Variants in GABRB3 observed in about 807,000 individuals in gnomAD.
GABRB3 encodes the protein gamma-aminobutyric acid receptor subunit beta-3.
A neutral mutation model predicts 52.1 loss-of-function variants in GABRB3; 14 were observed. The ratio of observed to expected loss-of-function variants is 0.27; its 90% CI spans 0.18 to 0.42. The LOEUF (loss-of-function observed/expected upper bound fraction) is 0.42, where lower values mean the gene tolerates loss of function less well. Ranked by LOEUF, GABRB3 falls within the 10% of genes least tolerant of loss-of-function variation. The pLI is 1.00. For missense variants in GABRB3, 307 were observed against 609.1 expected, an observed-to-expected ratio of 0.50 and a Z score of 5.22; for synonymous variants, 260 against 232.3, an observed-to-expected ratio of 1.12 and a Z score of -1.08.
At chr15:26,604,866 A>G (rs144622046) in intron 4 of GABRB3, among the ~76,000 whole-genome samples, 3 of 152,196 alleles carry the variant, frequency 2.0e-5, no homozygotes, top group African/African-American at 7.2e-5. Flanking sequence ...GAAAAAGAAA[A>G]TATTGAGTGA....
At chr15:26,614,619 T>TA (rs761405725) in intron 4 of GABRB3, 42 of 152,250 alleles carry the variant, frequency 2.8e-4, no homozygotes, top group Non-Finnish European at 5.9e-4. Flanking sequence ...GACGGCTGCA[T>TA]AAAAATCACA....
chr15:26,674,066 CT>C (rs1421282948), intron 3 of GABRB3, among the ~76,000 whole-genome samples: 186 of 145,384 alleles, frequency 1.3e-3, no homozygotes, highest in Middle Eastern at 3.5e-3. Context: ...TAACCCCCCC[CT>C]TTTTTTTTTT....
intron 3 of GABRB3, among the ~76,000 whole-genome samples, chr15:26,691,816 AT>A (rs1443845353): frequency 6.6e-6 from 1 of 152,180 alleles, no homozygotes; most frequent in Non-Finnish European, 1.5e-5. Context: ...TAGTAACTCA[AT>A]AATCTGCCCC....
intron 6 of GABRB3, among the ~76,000 whole-genome samples, chr15:26,578,171 T>C (rs563295882): frequency 1.3e-5 from 2 of 152,224 alleles, no homozygotes; most frequent in African/African-American, 4.8e-5. Context: ...TAATTCAGAA[T>C]ACTTGTGGAA....
intron 3 of GABRB3, among the ~76,000 whole-genome samples, chr15:26,736,313 A>T (rs1163912800): frequency 6.6e-6 from 1 of 152,248 alleles, no homozygotes; most frequent in Non-Finnish European, 1.5e-5. Context: ...TGGCAGAATC[A>T]CATACAGTTA....
Position 26,556,418 on chromosome 15 carries a change from A to G in GABRB3, c.1080+4514T>C, listed in dbSNP as rs139265881. 3.6e-3 allele frequency among the ~76,000 whole-genome samples: 546 copies of G among 152,336 alleles called. 3 individuals carry two copies. The highest frequency in any genetic ancestry group is 0.013 in the African/African-American group (520 of 41,574). On this transcript the variant is annotated intron_variant, in intron 8 of 8. Coordinates refer to ENST00000311550, the MANE Select transcript of GABRB3 (RefSeq NM_000814.6). ...CGTGAAGAATGAAATCTTGCTCTTTAGTAAGAATGATGTTGAGTCTGCAGC... is the reference window on the plus strand; with the variant it reads ...CGTGAAGAATGAAATCTTGCTCTTTGGTAAGAATGATGTTGAGTCTGCAGC...
rs552819853 is a variant in GABRB3, at chr15:26,592,593, TGA to T, written c.462-9181_462-9180del. Reference sequence around the variant, plus strand: ...AGACAGAGAGAAGAAGCTGCAACACTGAGAGATGAATGCAAGAAATCCTAGCC... The same window carrying T: ...AGACAGAGAGAAGAAGCTGCAACACTGAGATGAATGCAAGAAATCCTAGCC... On this transcript the variant is annotated intron_variant, in intron 4 of 8. Transcript: ENST00000311550. Among the ~76,000 whole-genome samples, 11 of 152,252 alleles carry T rather than the reference TGA, an allele frequency of 7.2e-5. No homozygotes were observed. The South Asian group carries it at 2.3e-3, about 32-fold the overall frequency.
At chr15:26,592,500 G>A (rs986441493) in intron 4 of GABRB3, among the ~76,000 whole-genome samples, 8 of 152,162 alleles carry the variant, frequency 5.3e-5, no homozygotes, top group African/African-American at 1.7e-4. Flanking sequence ...GTTACTAAAT[G>A]TATGAGTGGA....
chr15:26,708,291 T>C lies in GABRB3; in HGVS notation c.240+64111A>G, dbSNP rs143131899. Among the ~76,000 whole-genome samples, 1,192 of 152,186 alleles carry C rather than the reference T, an allele frequency of 7.8e-3. 5 individuals carry two copies. The highest frequency in any genetic ancestry group is 0.012 in the Non-Finnish European group (821 of 68,018). ...ATGTCCCAGTTGGCTCCCTAAGAAA[T>C]GATGAAGCAGAAAGTGAGAACAGAT... On this transcript the variant is annotated intron_variant, in intron 3 of 8. Coordinates refer to ENST00000311550, the MANE Select transcript of GABRB3 (RefSeq NM_000814.6).
intron 3 of GABRB3, among the ~76,000 whole-genome samples, chr15:26,763,850 A>G (rs1218506397): frequency 6.6e-6 from 1 of 152,064 alleles, no homozygotes; most frequent in Non-Finnish European, 1.5e-5. Flanking sequence ...ATACAAAATA[A>G]AATAAAACAA....
intron 3 of GABRB3, among the ~76,000 whole-genome samples, chr15:26,755,383 G>A (rs28444369): frequency 9.3e-4 from 142 of 152,096 alleles, no homozygotes; most frequent in African/African-American, 3.1e-3. Context: ...GATTTACTGC[G>A]GAAATTAGAA....
chr15:26,732,037 G>A (rs545798302), intron 3 of GABRB3, among the ~76,000 whole-genome samples: 5 of 152,078 alleles, frequency 3.3e-5, no homozygotes, highest in South Asian at 2.1e-4. Flanking sequence ...ATGGATGGGC[G>A]GATGGATGGA....
intron 4 of GABRB3, among the ~76,000 whole-genome samples, chr15:26,588,755 T>C (rs1323427550): frequency 6.6e-6 from 1 of 152,192 alleles, no homozygotes; most frequent in East Asian, 1.9e-4. Flanking sequence ...ATTGGAAATA[T>C]AATGAGTAAA....
intron 3 of GABRB3, among the ~76,000 whole-genome samples, chr15:26,726,818 G>T (rs544793899): frequency 1.3e-5 from 2 of 152,100 alleles, no homozygotes; most frequent in East Asian, 3.9e-4. Flanking sequence ...CAATTAAGAG[G>T]CATTATGTGG....
chr15:26,725,241 AT>A (rs917594814), intron 3 of GABRB3, among the ~76,000 whole-genome samples: 2 of 152,058 alleles, frequency 1.3e-5, no homozygotes, highest in East Asian at 3.9e-4. Context: ...CTGACTGAAT[AT>A]TTTTCTGGGA....
chr15:26,743,731 CCCATCTGCTGATCACCT>C (rs1890268224), intron 3 of GABRB3, among the ~76,000 whole-genome samples: 1 of 152,058 alleles, frequency 6.6e-6, no homozygotes, highest in South Asian at 2.1e-4. Context: ...GACTGTCTTC[CCCATCTGCTGATCACCT>C]CTCTTTATGA....
At chr15:26,556,357 T>C (rs1456717641) in intron 8 of GABRB3, among the ~76,000 whole-genome samples, 1 of 152,208 alleles carries the variant, frequency 6.6e-6, no homozygotes, top group Non-Finnish European at 1.5e-5. Context: ...TTAAGTAAAA[T>C]ACTGTCGTTT....
intron 3 of GABRB3, among the ~76,000 whole-genome samples, chr15:26,669,379 G>A (rs574021996): frequency 6.6e-6 from 1 of 152,290 alleles, no homozygotes; most frequent in South Asian, 2.1e-4. Flanking sequence ...GGATTATGCT[G>A]GTATCTTCCT....
intron 3 of GABRB3, among the ~76,000 whole-genome samples, chr15:26,692,358 T>A (rs1465241189): frequency 6.6e-5 from 10 of 152,080 alleles, no homozygotes; most frequent in Non-Finnish European, 1.3e-4. Context: ...CTAAACTACC[T>A]TTTCTTGGTG....
Sources: allele counts gnomAD v4.1 joint callset (sites outside exome capture counted in the v4.1 genomes callset), GRCh38; gene constraint gnomAD v4.1.1; transcripts MANE v1.5; gene names NCBI Gene and HGNC (gene_info 2026-07-23, HGNC 2026-07-21).